Variants in KLF8 observed in about 807,000 individuals in gnomAD.
KLF8 encodes Krueppel-like factor 8.
A neutral mutation model predicts 18.2 loss-of-function variants in KLF8; 10 were observed. The ratio of observed to expected loss-of-function variants is 0.55; its 90% confidence interval spans 0.34 to 0.93. The LOEUF is 0.93. KLF8 is among the 40% of genes least tolerant of loss of function. The probability of loss-of-function intolerance (pLI) is 0.02; values close to 1 mark genes in which losing one functional copy is unlikely to be tolerated. For synonymous variants in KLF8, 109 were observed against 97.3 expected, an observed-to-expected ratio of 1.12 and a Z score of -0.71; for missense variants, 264 against 277.9, an observed-to-expected ratio of 0.95 and a Z score of 0.36.
At chrX:56,249,156 C>T (rs1413576157) in intron 1 of KLF8, among the ~76,000 whole-genome samples, 4 of 112,547 alleles carry the variant, frequency 3.6e-5, no homozygotes, top group Non-Finnish European at 5.6e-5. Context: ...ACAAATTACA[C>T]TTAACAGTTT....
chrX:56,221,844 G>C, the KLF8 span, among the ~76,000 whole-genome samples: 2 of 111,615 alleles, frequency 1.8e-5, no homozygotes, highest in African/African-American at 3.3e-5. Context: ...GGACCGGAGG[G>C]GGTTGCCACT....
the KLF8 span, among the ~76,000 whole-genome samples, chrX:56,196,880 A>G: frequency 1.8e-5 from 2 of 111,703 alleles, no homozygotes; most frequent in South Asian, 3.7e-4. Context: ...AAAAAAAGAA[A>G]TCATAACAAA....
At chrX:56,211,622 A>G in the KLF8 span, among the ~76,000 whole-genome samples, 80 of 112,196 alleles carry the variant, frequency 7.1e-4, no homozygotes, top group African/African-American at 1.8e-3. Context: ...CAGGGCAATG[A>G]GGTCCCCAGG....
At chrX:56,062,378 G>A in the KLF8 span, among the ~76,000 whole-genome samples, 1 of 111,357 alleles carries the variant, frequency 9.0e-6, no homozygotes, top group Admixed American at 9.5e-5. Context: ...AGGTAGGCCT[G>A]GTGGTGACAA....
chrX:55,939,380 T>C, the KLF8 span, among the ~76,000 whole-genome samples: 2 of 110,786 alleles, frequency 1.8e-5, no homozygotes, highest in Admixed American at 1.9e-4. Flanking sequence ...CAAAGCAGTA[T>C]GTAGAGGGAA....
the KLF8 span, among the ~76,000 whole-genome samples, chrX:55,956,614 G>T: frequency 9.9e-5 from 11 of 111,489 alleles, no homozygotes; most frequent in African/African-American, 3.6e-4. Flanking sequence ...AATAGGTGAG[G>T]TGATATTTCA....
chrX:55,940,731 G>C, the KLF8 span, among the ~76,000 whole-genome samples: 3 of 109,954 alleles, frequency 2.7e-5, no homozygotes, highest in East Asian at 8.6e-4. Context: ...TTATACACCA[G>C]TAACAGACAG....
the KLF8 span, among the ~76,000 whole-genome samples, chrX:56,176,885 T>G: frequency 1.2e-4 from 13 of 112,180 alleles, no homozygotes; most frequent in Admixed American, 1.2e-3. Context: ...TTTCTTCCAG[T>G]TGATCGAATC....
At chrX:55,938,592 G>C in the KLF8 span, among the ~76,000 whole-genome samples, 1 of 111,066 alleles carries the variant, frequency 9.0e-6, no homozygotes, top group Admixed American at 9.6e-5. Flanking sequence ...ATTGGATAAA[G>C]AGTCAAGACC....
the KLF8 span, among the ~76,000 whole-genome samples, chrX:56,047,357 C>T: frequency 9.2e-6 from 1 of 108,847 alleles, no homozygotes; most frequent in Non-Finnish European, 1.9e-5. Context: ...TGTTGGTGTG[C>T]AGCACCCATT....
At chrX:56,031,838 A>G in the KLF8 span, among the ~76,000 whole-genome samples, 1 of 111,208 alleles carries the variant, frequency 9.0e-6, no homozygotes, top group Non-Finnish European at 1.9e-5. Context: ...CGAGTGCACA[A>G]TTTCTGTCCC....
the KLF8 span, among the ~76,000 whole-genome samples, chrX:56,220,734 C>T: frequency 7.1e-5 from 8 of 112,003 alleles, no homozygotes; most frequent in Non-Finnish European, 1.1e-4. Context: ...GTGATCCGCC[C>T]GCCTCAGCCT....
At chrX:55,912,211 CT>C in the KLF8 span, among the ~76,000 whole-genome samples, 1 of 111,361 alleles carries the variant, frequency 9.0e-6, no homozygotes, top group African/African-American at 3.3e-5. Flanking sequence ...ACAATCAGTA[CT>C]TTTTTCATAC....
the KLF8 span, among the ~76,000 whole-genome samples, chrX:55,988,229 G>T: frequency 2.7e-5 from 3 of 110,372 alleles, no homozygotes; most frequent in Non-Finnish European, 5.7e-5. Flanking sequence ...GTCAATTTTG[G>T]CTTTTGTTGC....
chrX:56,010,239 G>A, the KLF8 span, among the ~76,000 whole-genome samples: 1 of 111,761 alleles, frequency 8.9e-6, no homozygotes, highest in East Asian at 2.8e-4. Flanking sequence ...ACAAATGGAA[G>A]CCCATCAGAT....
the KLF8 span, among the ~76,000 whole-genome samples, chrX:56,195,932 A>T: frequency 8.9e-6 from 1 of 112,057 alleles, no homozygotes; most frequent in Non-Finnish European, 1.9e-5. Context: ...AACACTCAAC[A>T]TTCTTGTAGA....
the KLF8 span, among the ~76,000 whole-genome samples, chrX:56,101,721 T>C: frequency 8.9e-6 from 1 of 112,365 alleles, no homozygotes; most frequent in Non-Finnish European, 1.9e-5. Context: ...CATTTTTTCT[T>C]ATGCTTCTTG....
chrX:56,102,634 T>G, the KLF8 span, among the ~76,000 whole-genome samples: 1 of 111,751 alleles, frequency 8.9e-6, no homozygotes, highest in Non-Finnish European at 1.9e-5. Flanking sequence ...CTGATTTCGT[T>G]CAGCAGGATT....
the KLF8 span, among the ~76,000 whole-genome samples, chrX:56,193,198 G>A: frequency 8.9e-6 from 1 of 112,358 alleles, no homozygotes; most frequent in Non-Finnish European, 1.9e-5. Context: ...ACATACAAGT[G>A]GCAAACAAGC....
Sources: gnomAD v4.1 joint callset for allele counts (sites outside exome capture counted in the v4.1 genomes callset) on GRCh38, gnomAD v4.1.1 for gene constraint, MANE v1.5 for transcripts, NCBI Gene and HGNC (gene_info 2026-07-23, HGNC 2026-07-21) for gene names.